Variants in GRAMD2B observed in about 807,000 individuals in gnomAD.
GRAMD2B encodes the protein GRAM domain-containing protein 2B.
Under a neutral mutation model 59.2 loss-of-function variants are expected in GRAMD2B, and 41 were observed. The ratio of observed to expected loss-of-function variants is 0.69; its 90% CI spans 0.54 to 0.90. GRAMD2B has a LOEUF of 0.90. GRAMD2B is among the 40% of genes least tolerant of loss of function. GRAMD2B has a pLI of 0.00. For synonymous variants in GRAMD2B, 161 were observed against 182.7 expected (o/e 0.88, Z 0.96); for missense variants, 424 against 500.5 (o/e 0.85, Z 1.46).
chr5:126,440,289 T>C, intron 1 of GRAMD2B, among the ~76,000 whole-genome samples: 1 of 152,180 alleles, frequency 6.6e-6, no homozygotes, highest in African/African-American at 2.4e-5. Flanking sequence ...ATTTCTTAAA[T>C]GTATAAGGTC....
chr5:126,432,133 TACTCA>T (rs1280173332), intron 1 of GRAMD2B, among the ~76,000 whole-genome samples: 1 of 152,006 alleles, frequency 6.6e-6, no homozygotes, highest in East Asian at 1.9e-4. Flanking sequence ...TTCACCATGT[TACTCA>T]GACTGGTCTT....
intron 1 of GRAMD2B, among the ~76,000 whole-genome samples, chr5:126,374,254 T>C (rs1006242176): frequency 9.2e-5 from 14 of 152,244 alleles, no homozygotes; most frequent in Non-Finnish European, 1.8e-4. Flanking sequence ...TTTTTACCTT[T>C]TTCAATCTGC....
At chr5:126,482,950 T>C (rs1010830978) in intron 8 of GRAMD2B, among the ~76,000 whole-genome samples, 1 of 152,208 alleles carries the variant, frequency 6.6e-6, no homozygotes, top group African/African-American at 2.4e-5. Context: ...TTTGATTTAG[T>C]TGAGGGGAGA....
At chr5:126,360,768 G>A (rs1754182495) in intron 1 of GRAMD2B, among the ~76,000 whole-genome samples, 1 of 152,194 alleles carries the variant, frequency 6.6e-6, no homozygotes, top group African/African-American at 2.4e-5. Flanking sequence ...AGTGGAGACA[G>A]CAGTGAGCAA....
At chr5:126,422,342 G>A (rs543645907), upstream of GRAMD2B, among the ~76,000 whole-genome samples, 14 of 152,068 alleles carry the variant, frequency 9.2e-5, no homozygotes, top group South Asian at 2.1e-4. Flanking sequence ...GATTACAAGC[G>A]CCTGCGCCAC....
At chr5:126,371,317 GAAGA>G in exon 1 of GRAMD2B, 1 of 1,134,746 alleles carries the variant, frequency 8.8e-7, no homozygotes, top group South Asian at 1.9e-5. Context: ...TGAGTCACAT[GAAGA>G]AAGAGCTTCC....
chr5:126,441,812 T>C (rs1763344224), intron 1 of GRAMD2B, among the ~76,000 whole-genome samples: 1 of 152,112 alleles, frequency 6.6e-6, no homozygotes, highest in Non-Finnish European at 1.5e-5. Context: ...TAAAATATAC[T>C]TCTGAATTGC....
chr5:126,458,264 G>A (rs187147252), intron 1 of GRAMD2B, among the ~76,000 whole-genome samples: 577 of 152,094 alleles, frequency 3.8e-3, no homozygotes, highest in African/African-American at 0.013. Context: ...GTGAAACCCT[G>A]TCTCTAAGAA....
chr5:126,469,137 CTTGA>C (rs1331760461), intron 2 of GRAMD2B, among the ~76,000 whole-genome samples: 1 of 152,154 alleles, frequency 6.6e-6, no homozygotes, highest in Non-Finnish European at 1.5e-5. Flanking sequence ...ATTTTCACAA[CTTGA>C]TTGTTATTTC....
In GRAMD2B at chr5:126,493,051, G is replaced by T. The variant is rs1774221783; in HGVS notation, c.*95G>T. 1 of 878,174 alleles carries T rather than the reference G, an allele frequency of 1.1e-6. No homozygotes were observed. Among genetic ancestry groups the T allele is most frequent in the African/African-American group, 1.7e-5 (1 of 60,202 alleles). The allele number at this position is 878,174 out of a possible 1,614,324, so 54.4% of individuals were successfully genotyped here. A position where few individuals can be genotyped will look rare whatever the true frequency, so the allele number is the denominator to read the frequency against. ...TTGTTTGAGTGCACCCTGCTGGTCA[G>T]AGGTGCAAGCAGATGAGAATCCAGA... is the stretch of plus-strand genomic sequence containing the variant. On this transcript the variant is annotated 3_prime_UTR_variant, in exon 14 of 14. Transcript: ENST00000285689.
chr5:126,431,524 T>TC (rs2149802102), intron 1 of GRAMD2B, among the ~76,000 whole-genome samples: 1 of 152,328 alleles, frequency 6.6e-6, no homozygotes, highest in East Asian at 1.9e-4. Context: ...TCTCTTCTGT[T>TC]CCTCTCTTCT....
chr5:126,417,829 A>T (rs538879161), intron 1 of GRAMD2B, among the ~76,000 whole-genome samples: 2 of 152,282 alleles, frequency 1.3e-5, no homozygotes, highest in South Asian at 2.1e-4. Context: ...TGTTTGGCAC[A>T]TTCACTCTCC....
At chr5:126,377,475 G>A (rs1020352567) in intron 1 of GRAMD2B, among the ~76,000 whole-genome samples, 2 of 152,140 alleles carry the variant, frequency 1.3e-5, no homozygotes, top group African/African-American at 4.8e-5. Flanking sequence ...TTTGCAGATA[G>A]TATTTTAACT....
rs1376744976 is a variant in GRAMD2B, at chr5:126,450,098, C to A, written c.84-15328C>A. On this transcript the variant is annotated intron_variant, in intron 1 of 13. Transcript: ENST00000285689. Reference sequence around the variant, plus strand: ...CTACATGAAACAGAAGACAGAGTTACAGGAAATGAAGGGTATAGGAGGAAA... The same window carrying A: ...CTACATGAAACAGAAGACAGAGTTAAAGGAAATGAAGGGTATAGGAGGAAA... 1.2e-4 allele frequency among the ~76,000 whole-genome samples: 18 copies of A among 151,270 alleles called. 1 individual carries two copies. The highest frequency in any genetic ancestry group is 1.2e-3 in the Admixed American group (18 of 15,190).
chr5:126,449,821 T>C (rs1197338444), intron 1 of GRAMD2B, among the ~76,000 whole-genome samples: 1 of 152,212 alleles, frequency 6.6e-6, no homozygotes, highest in South Asian at 2.1e-4. Context: ...AAACCTGGCC[T>C]CTGGGAGAGT....
intron 1 of GRAMD2B, among the ~76,000 whole-genome samples, chr5:126,412,159 A>G (rs1037260740): frequency 6.6e-6 from 1 of 151,938 alleles, no homozygotes; most frequent in Non-Finnish European, 1.5e-5. Context: ...GAATAGGAGT[A>G]GTGACACTGA....
intron 1 of GRAMD2B, chr5:126,434,032 GA>G (rs1282049550): frequency 6.6e-6 from 1 of 152,174 alleles, no homozygotes; most frequent in Non-Finnish European, 1.5e-5. Context: ...TGGTGAGTAA[GA>G]ATAGTTTAAA....
chr5:126,423,774 A>T (rs1760082113), intron 1 of GRAMD2B, 85 bp downstream of exon 1: 1 of 1,381,640 alleles, frequency 7.2e-7, no homozygotes, highest in Non-Finnish European at 9.8e-7. Flanking sequence ...TTTTGGGTGG[A>T]TGCGGATTTC....
intron 1 of GRAMD2B, among the ~76,000 whole-genome samples, chr5:126,403,971 A>C (rs1758047419): frequency 6.6e-6 from 1 of 151,764 alleles, no homozygotes; most frequent in Non-Finnish European, 1.5e-5. Context: ...TTGTTGTTTC[A>C]AAAAAAATCC....
Sources: gnomAD v4.1 joint callset for allele counts (sites outside exome capture counted in the v4.1 genomes callset) on GRCh38, gnomAD v4.1.1 for gene constraint, MANE v1.5 for transcripts, NCBI Gene and HGNC (gene_info 2026-07-23, HGNC 2026-07-21) for gene names.